TEC: variants seen among roughly 807,000 people sequenced by gnomAD.
TEC encodes tyrosine-protein kinase Tec.
Under a neutral mutation model 93.0 loss-of-function variants are expected in TEC, and 72 were observed. The ratio of observed to expected loss-of-function variants is 0.77; its 90% CI spans 0.64 to 0.94. The LOEUF (loss-of-function observed/expected upper bound fraction) is 0.94, where lower values mean the gene tolerates loss of function less well. TEC is among the 40% of genes least tolerant of loss of function. The pLI is 0.00. For missense variants in TEC, 630 were observed against 757.9 expected (o/e 0.83, Z 1.98); for synonymous variants, 249 against 247.7 (o/e 1.01, Z -0.05).
At chr4:48,181,906 C>T (rs1353522390) in intron 2 of TEC, among the ~76,000 whole-genome samples, 6 of 152,122 alleles carry the variant, frequency 3.9e-5, no homozygotes, top group African/African-American at 1.4e-4. Flanking sequence ...CTCACAGTTT[C>T]TCCTCCATTT....
At chr4:48,228,223 A>C (rs1723540190) in intron 2 of TEC, among the ~76,000 whole-genome samples, 1 of 152,214 alleles carries the variant, frequency 6.6e-6, no homozygotes, top group African/African-American at 2.4e-5. Context: ...TGTACAATGC[A>C]CCTTACAAAT....
intron 1 of TEC, among the ~76,000 whole-genome samples, chr4:48,238,774 T>C (rs993868482): frequency 6.6e-6 from 1 of 151,968 alleles, no homozygotes; most frequent in Non-Finnish European, 1.5e-5. Context: ...TCTGACTAAG[T>C]TAAGACCAAA....
rs1351854971 is a variant in TEC at position 48,138,600 on chromosome 4, T to C, written c.1812+65A>G. Reference sequence around the variant, plus strand: ...ACCTCACTAGGCTATAAAGACTGCATGTTATCCATCTACCAAGCCCAATCC... The same window carrying C: ...ACCTCACTAGGCTATAAAGACTGCACGTTATCCATCTACCAAGCCCAATCC... On this transcript the variant is annotated intron_variant, in intron 17 of 17. Coordinates refer to ENST00000381501, the MANE Select transcript of TEC (RefSeq NM_003215.3). The C allele has an allele frequency of 1.6e-5, 24 of 1,523,786 alleles. 2 individuals are homozygous for C. The South Asian group carries it at 1.8e-4, about 12-fold the overall frequency. The allele number at this position is 1,523,786 out of a possible 1,614,324, so 94.4% of individuals were successfully genotyped here. A position where few individuals can be genotyped will look rare whatever the true frequency, so the allele number is the denominator to read the frequency against.
chr4:48,212,109 A>AT (rs1384549971), intron 2 of TEC, among the ~76,000 whole-genome samples: 4 of 101,224 alleles, frequency 4.0e-5, no homozygotes, highest in East Asian at 3.2e-4. Flanking sequence ...AAAAAAAAAA[A>AT]AATATATATA....
At chr4:48,188,753 G>A (rs773343314) in intron 2 of TEC, among the ~76,000 whole-genome samples, 8 of 152,068 alleles carry the variant, frequency 5.3e-5, no homozygotes, top group Non-Finnish European at 5.9e-5. Flanking sequence ...GACATCTCAG[G>A]TCAATACATG....
At chr4:48,171,846 C>G (rs572080544) in intron 3 of TEC, among the ~76,000 whole-genome samples, 2 of 152,348 alleles carry the variant, frequency 1.3e-5, no homozygotes, top group South Asian at 4.1e-4. Flanking sequence ...ATTGCAGTAG[C>G]TAACTGGATT....
intron 2 of TEC, among the ~76,000 whole-genome samples, chr4:48,177,052 CCTGCCTGCTGTAGAT>C (rs780738481): frequency 7.7e-4 from 117 of 152,284 alleles, no homozygotes; most frequent in Middle Eastern, 6.8e-3. Context: ...GCCTGCCCTC[CCTGCCTGCTGTAGAT>C]CTGCCTGCAG....
intron 14 of TEC, among the ~76,000 whole-genome samples, chr4:48,143,546 A>G (rs566106995): frequency 1.3e-5 from 2 of 152,358 alleles, no homozygotes; most frequent in Admixed American, 6.5e-5. Context: ...GTGACCTTTA[A>G]AACAGTCCTG....
intron 11 of TEC, among the ~76,000 whole-genome samples, chr4:48,147,863 T>C (rs762277409): frequency 6.6e-6 from 1 of 152,212 alleles, no homozygotes; most frequent in Non-Finnish European, 1.5e-5. Context: ...TCATTTTGTT[T>C]ATATTATCTG....
rs1425608684 is a variant in TEC, at chr4:48,149,961, T to TA, written c.873-272dup. 2.6e-5 allele frequency among the ~76,000 whole-genome samples: 4 copies of TA among 152,346 alleles called. No homozygotes were observed. In the East Asian group the frequency reaches 7.7e-4, roughly 29 times the overall value. On this transcript the variant is annotated intron_variant, in intron 10 of 17. Transcript: ENST00000381501. The stretch of plus-strand genomic sequence containing the variant: ...TCCATTTAACAACAGTTGGAAGTCT[T>TA]AAAATAGCTATTAGCAGCTACTGCT...
intron 2 of TEC, among the ~76,000 whole-genome samples, chr4:48,197,420 T>G (rs1174730302): frequency 6.6e-6 from 1 of 152,180 alleles, no homozygotes; most frequent in Non-Finnish European, 1.5e-5. Flanking sequence ...AAGACCATGT[T>G]TGGCACATGG....
chr4:48,181,130 C>T (rs879359897), intron 2 of TEC, among the ~76,000 whole-genome samples: 2 of 151,974 alleles, frequency 1.3e-5, no homozygotes, highest in South Asian at 2.1e-4. Flanking sequence ...CAATCAGGTG[C>T]GAGGAGGCAG....
chr4:48,150,888 CTG>C lies in TEC; in HGVS notation c.845_846del (p.Thr282SerfsTer16). On this transcript the variant is annotated frameshift_variant, in exon 10 of 18. Coordinates refer to ENST00000381501, the MANE Select transcript of TEC (RefSeq NM_003215.3). LOFTEE classifies it high-confidence loss of function. ...CCTCCAAACTTGGTATAAAGGGAGA[CTG>C]TGTACAAGCCTGGTTGACTGGAATC... ...VRDSSQPGLY[T>X]VSLYTKFGGE... 1.3e-6 allele frequency: 2 copies of C among 1,573,626 alleles called. No homozygotes were observed. Among genetic ancestry groups the C allele is most frequent in the Non-Finnish European group, 1.7e-6 (2 of 1,161,936 alleles).
chr4:48,166,527 T>C (rs766241769), intron 7 of TEC, among the ~76,000 whole-genome samples: 1 of 152,118 alleles, frequency 6.6e-6, no homozygotes, highest in Non-Finnish European at 1.5e-5. Flanking sequence ...TTTAAGTCTT[T>C]AGAATTTAGA....
chr4:48,231,992 A>G (rs1238115281), intron 1 of TEC, among the ~76,000 whole-genome samples: 1 of 152,116 alleles, frequency 6.6e-6, no homozygotes, highest in Non-Finnish European at 1.5e-5. Context: ...CTGGGGAAAA[A>G]AAATCACCTT....
At chr4:48,203,762 T>C (rs1001894236) in intron 2 of TEC, among the ~76,000 whole-genome samples, 1 of 152,150 alleles carries the variant, frequency 6.6e-6, no homozygotes, top group South Asian at 2.1e-4. Context: ...TAGGGGTTCA[T>C]GAAGCTACAC....
chr4:48,256,594 CAAAAAAA>C (rs34792955), intron 1 of TEC, among the ~76,000 whole-genome samples: 8 of 61,680 alleles, frequency 1.3e-4, no homozygotes, highest in Admixed American at 4.1e-4. Flanking sequence ...GACCTTGTCT[CAAAAAAA>C]AAAAAAAAAA....
chr4:48,231,180 G>A (rs971365395), intron 1 of TEC, among the ~76,000 whole-genome samples: 1 of 152,142 alleles, frequency 6.6e-6, no homozygotes, highest in Non-Finnish European at 1.5e-5. Flanking sequence ...CTTAAAGGAA[G>A]ACACTGAACT....
chr4:48,188,397 C>T (rs1721969786), intron 2 of TEC, among the ~76,000 whole-genome samples: 1 of 152,124 alleles, frequency 6.6e-6, no homozygotes, highest in African/African-American at 2.4e-5. Context: ...AAGAGACATG[C>T]TGAACTAAAT....
Sources: gnomAD v4.1 joint callset for allele counts (sites outside exome capture counted in the v4.1 genomes callset) on GRCh38, gnomAD v4.1.1 for gene constraint, MANE v1.5 for transcripts, NCBI Gene and HGNC (gene_info 2026-07-23, HGNC 2026-07-21) for gene names.